The following PPARG variants were observed in gnomAD, a reference collection of about 807,000 sequenced individuals.
PPARG encodes the protein peroxisome proliferator-activated receptor gamma.
In PPARG, 17 loss-of-function variants were observed where a neutral mutation model predicts 39.2. The observed-to-expected ratio is 0.43, with a 90% CI of 0.30 to 0.65. PPARG has a LOEUF of 0.65. PPARG is among the 30% of genes least tolerant of loss of function. The pLI, the probability that PPARG is intolerant of heterozygous loss-of-function variation, is 0.13. For synonymous variants in PPARG, 223 were observed against 215.7 expected, an observed-to-expected ratio of 1.03 and a Z score of -0.30; for missense variants, 406 against 585.9, an observed-to-expected ratio of 0.69 and a Z score of 3.17.
At chr3:12,413,322 C>G (rs955098435) in intron 6 of PPARG, among the ~76,000 whole-genome samples, 3 of 152,178 alleles carry the variant, frequency 2.0e-5, no homozygotes, top group African/African-American at 4.8e-5. Flanking sequence ...CAGGCCCACC[C>G]AGGGATCACT....
intron 4 of PPARG, among the ~76,000 whole-genome samples, chr3:12,383,845 C>T (rs2049773827): frequency 6.6e-6 from 1 of 151,562 alleles, no homozygotes; most frequent in African/African-American, 2.4e-5. Context: ...AGAAGAGTAG[C>T]AAAAAGAGAA....
At chr3:12,292,019 C>G (rs2046660971) in intron 1 of PPARG, among the ~76,000 whole-genome samples, 1 of 152,160 alleles carries the variant, frequency 6.6e-6, no homozygotes, top group Non-Finnish European at 1.5e-5. Flanking sequence ...TCATGAATAT[C>G]TATGTCATAG....
intron 2 of PPARG, among the ~76,000 whole-genome samples, chr3:12,359,320 G>C (rs990853511): frequency 6.6e-6 from 1 of 152,180 alleles, no homozygotes; most frequent in Non-Finnish European, 1.5e-5. Context: ...AAATGAGGAA[G>C]TTTGGAAAAG....
intron 2 of PPARG, among the ~76,000 whole-genome samples, chr3:12,360,258 A>G (rs1195658993): frequency 6.6e-6 from 1 of 152,062 alleles, no homozygotes. Flanking sequence ...TGGTCCTCCC[A>G]TCTTGGCTTC....
chr3:12,414,845 G>A (rs1400292810), intron 6 of PPARG, among the ~76,000 whole-genome samples: 3 of 152,138 alleles, frequency 2.0e-5, no homozygotes, highest in Non-Finnish European at 2.9e-5. Flanking sequence ...TTTGGAGTTT[G>A]CTAAGTAGTA....
chr3:12,424,454 C>T (rs1386386110), intron 7 of PPARG, among the ~76,000 whole-genome samples: 2 of 152,200 alleles, frequency 1.3e-5, no homozygotes, highest in African/African-American at 4.8e-5. Context: ...TGTCCCCACA[C>T]CAGCAGTCCT....
intron 7 of PPARG, among the ~76,000 whole-genome samples, chr3:12,429,995 C>G (rs1291894873): frequency 6.6e-6 from 1 of 152,048 alleles, no homozygotes; most frequent in Non-Finnish European, 1.5e-5. Flanking sequence ...TGTTGGAGAC[C>G]TGAGAGTGAA....
intron 2 of PPARG, among the ~76,000 whole-genome samples, chr3:12,323,605 A>C (rs1013815129): frequency 6.6e-6 from 1 of 152,184 alleles, no homozygotes; most frequent in East Asian, 1.9e-4. Context: ...AGGTGAATTA[A>C]GTGAAGTTTA....
intron 2 of PPARG, among the ~76,000 whole-genome samples, chr3:12,328,923 A>T (rs1362662845): frequency 6.6e-6 from 1 of 152,168 alleles, no homozygotes; most frequent in Non-Finnish European, 1.5e-5. Context: ...AGGAAGTTCA[A>T]CAGTCAGCAG....
intron 2 of PPARG, among the ~76,000 whole-genome samples, chr3:12,345,926 A>G (rs763746103): frequency 3.3e-5 from 5 of 152,244 alleles, no homozygotes; most frequent in Non-Finnish European, 7.3e-5. Flanking sequence ...TACATGTTTT[A>G]GAGGTTTAGG....
chr3:12,295,742 T>C (rs1574940008), intron 1 of PPARG, among the ~76,000 whole-genome samples: 1 of 151,774 alleles, frequency 6.6e-6, no homozygotes, highest in South Asian at 2.1e-4. Flanking sequence ...CTCGAACTCC[T>C]GACCTCAGGA....
At position 12,433,920 on chromosome 3, in the gene PPARG, G is replaced by A; in HGVS notation, c.1203G>A (p.Val401=). The A allele has an allele frequency of 1.2e-6, 2 of 1,614,212 alleles. No homozygotes were observed. The highest frequency in any genetic ancestry group is 1.7e-4 in the Middle Eastern group (1 of 6,056). ...CAGACCGCCCAGGTTTGCTGAATGT[G>A]AAGCCCATTGAAGACATTCAAGACA... ...LSGDRPGLLN[V]KPIEDIQDNL... Residue 401 remains valine, a synonymous_variant, in exon 8 of 8, where the codon GTG becomes GTA. Coordinates refer to ENST00000651735, the MANE Select transcript of PPARG (RefSeq NM_138711.6).
At chr3:12,402,340 T>C (rs1201188886) in intron 5 of PPARG, among the ~76,000 whole-genome samples, 3 of 152,200 alleles carry the variant, frequency 2.0e-5, no homozygotes, top group African/African-American at 7.2e-5. Flanking sequence ...TACGCCTTCT[T>C]ACTTAGTGCT....
chr3:12,306,808 A>G (rs1277312414), intron 1 of PPARG, among the ~76,000 whole-genome samples: 10 of 152,262 alleles, frequency 6.6e-5, no homozygotes, highest in African/African-American at 1.4e-4. Flanking sequence ...TTAGAAATCA[A>G]CCGCTGGGCC....
chr3:12,314,678 G>A (rs1329684827), intron 2 of PPARG, among the ~76,000 whole-genome samples: 1 of 152,158 alleles, frequency 6.6e-6, no homozygotes, highest in African/African-American at 2.4e-5. Flanking sequence ...CAGATTAGGA[G>A]GAGAATATTG....
intron 2 of PPARG, among the ~76,000 whole-genome samples, chr3:12,332,509 T>C (rs1322852695): frequency 6.6e-6 from 1 of 152,222 alleles, no homozygotes; most frequent in African/African-American, 2.4e-5. Context: ...ACTTTCAGTG[T>C]GTTAAGGGTT....
chr3:12,428,560 A>G (rs1476929853), intron 7 of PPARG, among the ~76,000 whole-genome samples: 1 of 152,192 alleles, frequency 6.6e-6, no homozygotes, highest in African/African-American at 2.4e-5. Flanking sequence ...GGGAATGGAG[A>G]GAGAAGAGAA....
intron 2 of PPARG, among the ~76,000 whole-genome samples, chr3:12,373,463 C>T (rs1457674438): frequency 6.6e-6 from 1 of 152,102 alleles, no homozygotes; most frequent in Non-Finnish European, 1.5e-5. Flanking sequence ...ACTGAATATA[C>T]ATCGTTAAGG....
At chr3:12,348,638 A>T (rs2048393818) in intron 2 of PPARG, among the ~76,000 whole-genome samples, 1 of 152,162 alleles carries the variant, frequency 6.6e-6, no homozygotes, top group Non-Finnish European at 1.5e-5. Context: ...CAACCTCTAC[A>T]TTGCACAGAA....
Sources: allele counts gnomAD v4.1 joint callset (sites outside exome capture counted in the v4.1 genomes callset), GRCh38; gene constraint gnomAD v4.1.1; transcripts MANE v1.5; gene names NCBI Gene and HGNC (gene_info 2026-07-23, HGNC 2026-07-21).